AFF3: variants seen among roughly 807,000 people sequenced by gnomAD.
AFF3 encodes the protein ALF transcription elongation factor 3, also known as AF4/FMR2 family member 3.
Under a neutral mutation model 129.7 loss-of-function variants are expected in AFF3, and 32 were observed. The observed-to-expected ratio is 0.25, with a 90% CI of 0.19 to 0.33. The LOEUF (loss-of-function observed/expected upper bound fraction) is 0.33. Ranked by LOEUF, AFF3 falls within the 10% of genes least tolerant of loss-of-function variation. The probability of loss-of-function intolerance (pLI) is 1.00; values close to 1 mark genes in which losing one functional copy is unlikely to be tolerated. For synonymous variants in AFF3, 644 were observed against 635.4 expected (o/e 1.01, Z -0.20); for missense variants, 1,373 against 1,592.0 (o/e 0.86, Z 2.34).
intron 12 of AFF3, among the ~76,000 whole-genome samples, chr2:99,667,833 A>C (rs758733596): frequency 2.6e-5 from 4 of 152,164 alleles, no homozygotes; most frequent in African/African-American, 7.2e-5. Flanking sequence ...TATGACTATT[A>C]GATAATCTGA....
chr2:100,027,809 G>T (rs1239188629), intron 4 of AFF3, among the ~76,000 whole-genome samples: 1 of 151,982 alleles, frequency 6.6e-6, no homozygotes, highest in Non-Finnish European at 1.5e-5. Flanking sequence ...GTATTTACCA[G>T]TCTTACATAG....
chr2:99,645,095 G>A (rs1684574642), intron 13 of AFF3, among the ~76,000 whole-genome samples: 1 of 152,190 alleles, frequency 6.6e-6, no homozygotes, highest in Admixed American at 6.5e-5. Flanking sequence ...AGCACTTTGG[G>A]AGGCCAAGGC....
chr2:99,910,894 T>C (rs78523884), intron 7 of AFF3, among the ~76,000 whole-genome samples: 8 of 152,378 alleles, frequency 5.3e-5, no homozygotes, highest in African/African-American at 1.9e-4. Flanking sequence ...ATCACATAAT[T>C]AGAGCTAACA....
chr2:99,871,606 T>C (rs1558933251), intron 7 of AFF3, among the ~76,000 whole-genome samples: 1 of 151,938 alleles, frequency 6.6e-6, no homozygotes, highest in Non-Finnish European at 1.5e-5. Flanking sequence ...TTACTACACA[T>C]GGAAAATATA....
At chr2:99,934,793 G>C (rs1674375574) in intron 7 of AFF3, among the ~76,000 whole-genome samples, 1 of 152,184 alleles carries the variant, frequency 6.6e-6, no homozygotes, top group Non-Finnish European at 1.5e-5. Flanking sequence ...ACACGGCTCA[G>C]CTAGGTCCTT....
chr2:99,871,458 G>A (rs981555416), intron 7 of AFF3, among the ~76,000 whole-genome samples: 6 of 152,012 alleles, frequency 3.9e-5, no homozygotes, highest in Non-Finnish European at 5.9e-5. Flanking sequence ...GATCCATCGC[G>A]AAAATAGATT....
chr2:100,132,015 A>C (rs1057241614), intron 1 of AFF3, among the ~76,000 whole-genome samples: 2 of 152,142 alleles, frequency 1.3e-5, no homozygotes, highest in South Asian at 4.1e-4. Context: ...CCGGCCCGCC[A>C]CACACTCCAC....
Position 100,007,151 on chromosome 2 carries a change from C to T in AFF3, c.484G>A (p.Ala162Thr). 2.5e-6 allele frequency: 4 copies of T among 1,613,984 alleles called. No homozygotes were observed. Among genetic ancestry groups the T allele is most frequent in the African/African-American group, 1.3e-5 (1 of 75,046 alleles). The stretch of plus-strand genomic sequence containing the variant: ...AGCAACCTGTGCCTGTGCTTACTTG[C>T]TCTCTGTTGGCCGTCAGAGGGTGGG... ...GHPPSDGQQR[A>T]TQQGSLRTLL... is the part of the protein sequence containing the mutation. The change falls in exon 6 of 25, where the codon GCA becomes ACA. Residue 162 changes from alanine (A) to threonine (T), a missense_variant. By Grantham distance (58) the Ala-to-Thr change is moderately conservative. Coordinates refer to ENST00000672756, the MANE Select transcript of AFF3 (RefSeq NM_001386135.1).
Position 99,582,835 on chromosome 2 carries a change from G to A in AFF3, c.2756C>T (p.Ala919Val). Residue 919 changes from alanine to valine, a missense_variant, in exon 17 of 25, where the codon GCC becomes GTC. Transcript: ENST00000672756. ...GCCGTGAGGCTGCAGCTGGCTGTCG[G>A]CCTTAGGCTTTTTGCTGGAAGAGGC... ...TSASSSKKPK[A>V]DSQLQPHGGD... 2 of 1,614,234 alleles carry A rather than the reference G, an allele frequency of 1.2e-6. No individual in the cohort carries two copies. Among genetic ancestry groups the A allele is most frequent in the Non-Finnish European group, 1.7e-6 (2 of 1,180,048 alleles).
At chr2:99,643,666 T>G (rs1306700235) in intron 13 of AFF3, among the ~76,000 whole-genome samples, 1 of 152,218 alleles carries the variant, frequency 6.6e-6, no homozygotes, top group Admixed American at 6.5e-5. Flanking sequence ...CTGGAGCTCG[T>G]CCACTTGACA....
chr2:99,946,781 T>C (rs931623315), intron 7 of AFF3, among the ~76,000 whole-genome samples: 1 of 152,202 alleles, frequency 6.6e-6, no homozygotes. Context: ...GTAGGATAAG[T>C]CATACTTAAC....
intron 8 of AFF3, among the ~76,000 whole-genome samples, chr2:99,763,457 A>G (rs1682774740): frequency 6.6e-6 from 1 of 152,132 alleles, no homozygotes; most frequent in Non-Finnish European, 1.5e-5. Flanking sequence ...CTGAGGTGGG[A>G]GGATCTCTTG....
chr2:100,022,905 T>G (rs1369516071), intron 4 of AFF3, among the ~76,000 whole-genome samples: 1 of 152,208 alleles, frequency 6.6e-6, no homozygotes, highest in East Asian at 1.9e-4. Context: ...GTTGGGCATT[T>G]AGTTGTATAC....
intron 7 of AFF3, among the ~76,000 whole-genome samples, chr2:99,967,516 A>C (rs553211015): frequency 2.2e-4 from 33 of 152,184 alleles, no homozygotes; most frequent in Non-Finnish European, 2.9e-4. Context: ...TTGTGAACTG[A>C]CTGTGTCCAT....
At chr2:99,820,686 A>C (rs1323510678) in intron 8 of AFF3, among the ~76,000 whole-genome samples, 17 of 121,578 alleles carry the variant, frequency 1.4e-4, no homozygotes. Flanking sequence ...ACACAAACAC[A>C]TTGTACAACA....
intron 7 of AFF3, among the ~76,000 whole-genome samples, chr2:99,937,403 T>G (rs1171031058): frequency 2.0e-5 from 3 of 151,742 alleles, no homozygotes; most frequent in African/African-American, 7.3e-5. Flanking sequence ...ATTGAAGGAT[T>G]TTTTTTTCTT....
At chr2:99,698,973 T>C (rs1676572172) in intron 11 of AFF3, among the ~76,000 whole-genome samples, 1 of 152,156 alleles carries the variant, frequency 6.6e-6, no homozygotes, top group African/African-American at 2.4e-5. Context: ...GTGTATGGCT[T>C]TAGTAAAATA....
intron 7 of AFF3, among the ~76,000 whole-genome samples, chr2:99,911,037 TA>T (rs1278069106): frequency 1.3e-5 from 2 of 152,182 alleles, no homozygotes; most frequent in Non-Finnish European, 2.9e-5. Flanking sequence ...AAGGAAGGCA[TA>T]AAAAATGCTT....
intron 13 of AFF3, among the ~76,000 whole-genome samples, chr2:99,639,544 G>A (rs1683988642): frequency 1.3e-5 from 2 of 152,252 alleles, no homozygotes; most frequent in Non-Finnish European, 1.5e-5. Context: ...GCTCCCCCAC[G>A]TTATTGAACA....
Sources: allele counts gnomAD v4.1 joint callset (sites outside exome capture counted in the v4.1 genomes callset), GRCh38; gene constraint gnomAD v4.1.1; transcripts MANE v1.5; gene names NCBI Gene and HGNC (gene_info 2026-07-23, HGNC 2026-07-21).